The following PATJ variants were observed in gnomAD, a reference collection of about 807,000 sequenced individuals.
The protein encoded by PATJ is inaD-like protein.
A neutral mutation model predicts 224.9 loss-of-function variants in PATJ; 190 were observed. The observed-to-expected ratio is 0.84, with a 90% CI of 0.75 to 0.95. PATJ has a LOEUF of 0.95. Among genes scored for constraint, PATJ ranks in the 40% least tolerant of loss-of-function variants. The pLI is 0.00. For missense variants in PATJ, 2,121 were observed against 2,270.3 expected (o/e 0.93, Z 1.34); for synonymous variants, 769 against 820.3 (o/e 0.94, Z 1.07).
chr1:62,068,153 C>A (rs1413809817), intron 31 of PATJ, among the ~76,000 whole-genome samples: 1 of 152,190 alleles, frequency 6.6e-6, no homozygotes, highest in Non-Finnish European at 1.5e-5. Context: ...CCCTTGCAGC[C>A]TGATGCCTGG....
At chr1:61,829,733 C>T (rs184776039) in intron 16 of PATJ, among the ~76,000 whole-genome samples, 1 of 152,298 alleles carries the variant, frequency 6.6e-6, no homozygotes, top group Non-Finnish European at 1.5e-5. Context: ...TTCCATCTGT[C>T]TCTTTTTTCA....
At chr1:62,089,685 C>T (rs560260226) in intron 33 of PATJ, among the ~76,000 whole-genome samples, 38 of 151,200 alleles carry the variant, frequency 2.5e-4, no homozygotes, top group Admixed American at 1.8e-3. Flanking sequence ...TTTTTTTTCC[C>T]CTTCCAAATT....
At chr1:61,924,855 C>T (rs1342080573) in intron 26 of PATJ, among the ~76,000 whole-genome samples, 4 of 152,140 alleles carry the variant, frequency 2.6e-5, no homozygotes, top group Non-Finnish European at 4.4e-5. Flanking sequence ...ATGTAAAACC[C>T]TACTGGTTTT....
intron 30 of PATJ, chr1:62,038,332 T>G (rs1362346099): frequency 4.6e-6 from 1 of 215,234 alleles, no homozygotes; most frequent in Non-Finnish European, 9.0e-6. Context: ...AAGAAAATTC[T>G]CTTTGTTTAT....
At chr1:62,146,966 C>A (rs1436477252) in intron 41 of PATJ, among the ~76,000 whole-genome samples, 1 of 151,894 alleles carries the variant, frequency 6.6e-6, no homozygotes, top group African/African-American at 2.4e-5. Flanking sequence ...GCAAAGCCTC[C>A]ATTTTAGACA....
At chr1:62,130,555 GAAA>G (rs1327146527) in intron 41 of PATJ, among the ~76,000 whole-genome samples, 1 of 151,038 alleles carries the variant, frequency 6.6e-6, no homozygotes, top group Non-Finnish European at 1.5e-5. Context: ...ATAAAAATTA[GAAA>G]AAAAGAAAAA....
chr1:61,755,829 G>A (rs911520188), intron 1 of PATJ, among the ~76,000 whole-genome samples: 9 of 151,936 alleles, frequency 5.9e-5, no homozygotes, highest in East Asian at 3.9e-4. Flanking sequence ...TTTTTTAGAC[G>A]GAGTTTCTGT....
At chr1:62,071,346 G>C (rs1410614179) in intron 31 of PATJ, among the ~76,000 whole-genome samples, 1 of 152,136 alleles carries the variant, frequency 6.6e-6, no homozygotes, top group Non-Finnish European at 1.5e-5. Context: ...TAATTGCCAG[G>C]TGTGTTGCTA....
chr1:61,952,460 C>T (rs1054249726), intron 27 of PATJ: 1 of 716,852 alleles, frequency 1.4e-6, no homozygotes, highest in African/African-American at 1.7e-5. Flanking sequence ...GGAATGCAAT[C>T]TGATGCTGTT....
intron 27 of PATJ, among the ~76,000 whole-genome samples, chr1:61,957,772 C>G (rs1680645264): frequency 6.6e-6 from 1 of 152,170 alleles, no homozygotes. Context: ...AAAGTACGTA[C>G]TGTCGAGCTC....
At position 61,868,895 on chromosome 1, in the gene PATJ, A is replaced by C. The variant is rs72674692; in HGVS notation, c.2835+4262A>C. ...CTGGGAGAGTGCAAATTAAACTGAC[A>C]TAAGGCATTAACAGGAGAATAAAGT... On this transcript the variant is annotated intron_variant, in intron 20 of 43. Coordinates refer to ENST00000642238, the MANE Select transcript of PATJ (RefSeq NM_001350145.3). Among the ~76,000 whole-genome samples the C allele has an allele frequency of 4.0e-3, 607 of 152,262 alleles. 5 individuals carry two copies. The highest frequency in any genetic ancestry group is 0.017 in the Middle Eastern group (5 of 294).
intron 41 of PATJ, among the ~76,000 whole-genome samples, chr1:62,131,102 T>C (rs1234953424): frequency 6.6e-6 from 1 of 152,192 alleles, no homozygotes; most frequent in East Asian, 1.9e-4. Flanking sequence ...ATTAAATTAT[T>C]TGGGTCCCTG....
chr1:61,748,123 C>A lies in PATJ; in HGVS notation c.-36+5568C>A, dbSNP rs949628563. Among the ~76,000 whole-genome samples, 8 of 152,062 alleles carry A rather than the reference C, an allele frequency of 5.3e-5. No homozygotes were observed. In the South Asian group the frequency reaches 1.5e-3, roughly 28 times the overall value. On this transcript the variant is annotated intron_variant, in intron 1 of 43. Transcript: ENST00000642238. ...CTCTAACTTCTGACCTCGTGATCCA[C>A]CCGCCTCGGCCTCCCAAAGTGCTGG...
At chr1:62,025,089 TA>T (rs1647597698) in intron 29 of PATJ, among the ~76,000 whole-genome samples, 1 of 152,198 alleles carries the variant, frequency 6.6e-6, no homozygotes, top group Non-Finnish European at 1.5e-5. Context: ...TTTTATTGCT[TA>T]CTGTCAAAGA....
chr1:61,799,724 C>T (rs1251158301), intron 11 of PATJ, among the ~76,000 whole-genome samples: 1 of 152,086 alleles, frequency 6.6e-6, no homozygotes, highest in East Asian at 1.9e-4. Context: ...CCTCCTTCAT[C>T]CTGGGATCCC....
intron 29 of PATJ, among the ~76,000 whole-genome samples, chr1:62,027,683 G>A (rs1648286728): frequency 7.1e-6 from 1 of 141,190 alleles, no homozygotes; most frequent in African/African-American, 2.7e-5. Context: ...GTGTAAGGTG[G>A]TATCTCATTG....
intron 27 of PATJ, among the ~76,000 whole-genome samples, chr1:61,944,171 C>T (rs904122102): frequency 6.6e-6 from 1 of 152,174 alleles, no homozygotes; most frequent in Non-Finnish European, 1.5e-5. Flanking sequence ...TCTTCTCCTC[C>T]AAAGAAACGC....
At chr1:62,133,576 C>T (rs893963622) in intron 41 of PATJ, among the ~76,000 whole-genome samples, 1 of 152,020 alleles carries the variant, frequency 6.6e-6, no homozygotes, top group Non-Finnish European at 1.5e-5. Flanking sequence ...GAGACACCGT[C>T]TCGAGAAAAA....
chr1:61,996,741 C>CTTTTTTTTTTTTTTTTT (rs56215259), intron 28 of PATJ, among the ~76,000 whole-genome samples: 3 of 97,726 alleles, frequency 3.1e-5, no homozygotes, highest in African/African-American at 3.9e-5. Flanking sequence ...CTTTTCTTTT[C>CTTTTTTTTTTTTTTTTT]TTTTTTTTTT....
Sources: allele counts gnomAD v4.1 joint callset (sites outside exome capture counted in the v4.1 genomes callset), GRCh38; gene constraint gnomAD v4.1.1; transcripts MANE v1.5; gene names NCBI Gene and HGNC (gene_info 2026-07-23, HGNC 2026-07-21).